Variants in TARBP1 observed in about 807,000 individuals in gnomAD.
The protein encoded by TARBP1 is tRNA (guanosine(18)-2'-O)-methyltransferase TARBP1.
Under a neutral mutation model 178.6 loss-of-function variants are expected in TARBP1, and 144 were observed. The observed-to-expected ratio is 0.81, with a 90% CI of 0.70 to 0.93. The LOEUF (loss-of-function observed/expected upper bound fraction) is 0.93. Ranked by LOEUF, TARBP1 falls within the 40% of genes least tolerant of loss-of-function variation. The pLI is 0.00. For synonymous variants in TARBP1, 787 were observed against 781.0 expected (o/e 1.01, Z -0.13); for missense variants, 2,067 against 2,011.7 (o/e 1.03, Z -0.53).
chr1:234,395,656 G>C (rs1016926738), intron 26 of TARBP1, among the ~76,000 whole-genome samples: 2 of 152,228 alleles, frequency 1.3e-5, no homozygotes, highest in African/African-American at 4.8e-5. Flanking sequence ...TCAGGACAGA[G>C]GCTGGGCAGC....
At chr1:234,402,864 G>C (rs1660839276) in intron 24 of TARBP1, among the ~76,000 whole-genome samples, 1 of 152,082 alleles carries the variant, frequency 6.6e-6, no homozygotes, top group Non-Finnish European at 1.5e-5. Flanking sequence ...GGGATTACAG[G>C]CGAGAGCCAC....
chr1:234,412,229 C>T (rs1437341702), intron 22 of TARBP1, among the ~76,000 whole-genome samples: 1 of 152,100 alleles, frequency 6.6e-6, no homozygotes, highest in Non-Finnish European at 1.5e-5. Flanking sequence ...CGATATCAGC[C>T]TGGCCAATAT....
chr1:234,475,877 A>G (rs778274317), intron 1 of TARBP1, among the ~76,000 whole-genome samples: 1 of 152,232 alleles, frequency 6.6e-6, no homozygotes, highest in Non-Finnish European at 1.5e-5. Flanking sequence ...AATCTGGGAA[A>G]AGTTTGTAAA....
chr1:234,479,149 C>T lies in TARBP1; in HGVS notation c.-46G>A. The T allele has an allele frequency of 6.1e-6, 9 of 1,464,000 alleles. No individual in the cohort carries two copies. Among genetic ancestry groups the T allele is most frequent in the African/African-American group, 1.5e-5 (1 of 67,904 alleles). The allele number at this position is 1,464,000 out of a possible 1,614,324, so 90.7% of individuals were successfully genotyped here. A position where few individuals can be genotyped will look rare whatever the true frequency, so the allele number is the denominator to read the frequency against. ...CGGCCCGGGCTCCCAAAGGAAGGCG[C>T]CGGCGTGTGCGATGCGTGCGCACAG... On this transcript the variant is annotated 5_prime_UTR_variant, in exon 1 of 30. Coordinates refer to ENST00000040877, the MANE Select transcript of TARBP1 (RefSeq NM_005646.4).
At chr1:234,433,683 T>C (rs1664710338) in intron 13 of TARBP1, 112 bp from the exon 14 acceptor site, 1 of 1,030,656 alleles carries the variant, frequency 9.7e-7, no homozygotes, top group Non-Finnish European at 1.4e-6. Flanking sequence ...AAGACACTGA[T>C]GAGAAAATAA....
chr1:234,398,353 G>GA (rs764336018), intron 26 of TARBP1, 29 bp downstream of exon 26: 5 of 1,546,004 alleles, frequency 3.2e-6, no homozygotes, highest in Non-Finnish European at 4.4e-6. Flanking sequence ...TCAACAAGGG[G>GA]AAAAAATAAA....
Position 234,415,863 on chromosome 1 carries a change from T to C in TARBP1, c.3705+2221A>G, listed in dbSNP as rs575925899. Among the ~76,000 whole-genome samples, 4 of 152,230 alleles carry C rather than the reference T, an allele frequency of 2.6e-5. No individual in the cohort carries two copies. In the South Asian group the frequency reaches 6.2e-4, roughly 24 times the overall value. ...GTTCCTGCCAATTTTCCAGTTCTGA[T>C]TCTGTAGCTTTCCCGGTGTTCTGTA... On this transcript the variant is annotated intron_variant, in intron 22 of 29. Coordinates refer to ENST00000040877, the MANE Select transcript of TARBP1 (RefSeq NM_005646.4).
chr1:234,439,462 CA>C (rs1398058597), intron 12 of TARBP1, among the ~76,000 whole-genome samples: 1 of 151,694 alleles, frequency 6.6e-6, no homozygotes, highest in South Asian at 2.1e-4. Context: ...CACACACACA[CA>C]AAAAAAGGCT....
intron 9 of TARBP1, among the ~76,000 whole-genome samples, chr1:234,454,429 G>T (rs1667088732): frequency 1.3e-5 from 2 of 152,092 alleles, no homozygotes; most frequent in South Asian, 4.1e-4. Context: ...TGAAAAATAA[G>T]ATTTGATAGG....
At chr1:234,469,356 A>G (rs10910440) in intron 3 of TARBP1, among the ~76,000 whole-genome samples, 24,828 of 152,056 alleles carry the variant, frequency 0.16, 2,875 homozygotes, top group East Asian at 0.56. Context: ...CTCTTTGGCA[A>G]TGGTAATTTT....
At chr1:234,419,346 GTA>G (rs1465288589) in intron 21 of TARBP1, among the ~76,000 whole-genome samples, 1 of 152,138 alleles carries the variant, frequency 6.6e-6, no homozygotes, top group Non-Finnish European at 1.5e-5. Context: ...CATACATTTT[GTA>G]GTTAGGCTTG....
intron 13 of TARBP1, 140 bp downstream of exon 13, chr1:234,437,135 G>GTT (rs371767689): frequency 9.2e-6 from 4 of 435,700 alleles, no homozygotes. Flanking sequence ...AAAGTCTAAG[G>GTT]TTTTTTTTGC....
chr1:234,471,078 C>G, intron 3 of TARBP1, 110 bp downstream of exon 3: 1 of 785,004 alleles, frequency 1.3e-6, no homozygotes, highest in African/African-American at 1.8e-5. Context: ...ATATTTTCTT[C>G]TGTACACTTT....
At chr1:234,470,490 G>A (rs1225629515) in intron 3 of TARBP1, among the ~76,000 whole-genome samples, 1 of 152,140 alleles carries the variant, frequency 6.6e-6, no homozygotes, top group African/African-American at 2.4e-5. Flanking sequence ...CGTTATTAAA[G>A]AGGGTGGTAG....
At chr1:234,473,199 AT>A (rs890608234) in intron 1 of TARBP1, among the ~76,000 whole-genome samples, 4 of 152,230 alleles carry the variant, frequency 2.6e-5, no homozygotes, top group African/African-American at 9.6e-5. Context: ...AGTCATGAGA[AT>A]TTTAAGTTGA....
Position 234,401,074 on chromosome 1 carries a change from A to G in TARBP1, c.4071+107T>C. Reference sequence around the variant, plus strand: ...TTAAAATGTTAAGGTGATGTTTGTAAGCAAGAAAAAAACTTTACCCTAATC... The same window carrying G: ...TTAAAATGTTAAGGTGATGTTTGTAGGCAAGAAAAAAACTTTACCCTAATC... On this transcript the variant is annotated intron_variant, in intron 25 of 29. Transcript: ENST00000040877. The G allele has an allele frequency of 3.8e-6, 3 of 796,924 alleles. No individual in the cohort carries two copies. The African/African-American group carries it at 5.3e-5, about 14-fold the overall frequency. The allele number at this position is 796,924 out of a possible 1,614,324, so 49.4% of individuals were successfully genotyped here.
intron 5 of TARBP1, among the ~76,000 whole-genome samples, chr1:234,464,475 G>A (rs1158142447): frequency 3.3e-5 from 5 of 152,174 alleles, no homozygotes; most frequent in Non-Finnish European, 5.9e-5. Flanking sequence ...CTAGAAAACT[G>A]AAGGCATTTC....
At chr1:234,454,257 C>A (rs1266549401) in intron 9 of TARBP1, among the ~76,000 whole-genome samples, 2 of 152,066 alleles carry the variant, frequency 1.3e-5, no homozygotes, top group African/African-American at 2.4e-5. Flanking sequence ...AGTGAATAGG[C>A]CTTATTTGAA....
intron 8 of TARBP1, among the ~76,000 whole-genome samples, chr1:234,458,874 G>A (rs1457879057): frequency 6.6e-6 from 1 of 152,106 alleles, no homozygotes; most frequent in East Asian, 1.9e-4. Context: ...CAGTGCCTCG[G>A]GCTTTTCCTG....
Sources: gnomAD v4.1 joint callset for allele counts (sites outside exome capture counted in the v4.1 genomes callset) on GRCh38, gnomAD v4.1.1 for gene constraint, MANE v1.5 for transcripts, NCBI Gene and HGNC (gene_info 2026-07-23, HGNC 2026-07-21) for gene names.